The following TRAPPC9 variants were observed in gnomAD, a reference collection of about 807,000 sequenced individuals.
The protein encoded by TRAPPC9 is trafficking protein particle complex subunit 9.
A neutral mutation model predicts 124.0 loss-of-function variants in TRAPPC9; 83 were observed. The ratio of observed to expected loss-of-function variants is 0.67; its 90% CI spans 0.56 to 0.80. The LOEUF (loss-of-function observed/expected upper bound fraction) is 0.80. TRAPPC9 is among the 30% of genes least tolerant of loss of function. The pLI, the probability that TRAPPC9 is intolerant of heterozygous loss-of-function variation, is 0.00. For missense variants in TRAPPC9, 1,302 were observed against 1,508.3 expected (o/e 0.86, Z 2.27); for synonymous variants, 638 against 617.5 (o/e 1.03, Z -0.49).
chr8:140,094,926 T>A (rs1438513123), intron 17 of TRAPPC9: 2 of 152,264 alleles, frequency 1.3e-5, no homozygotes, highest in African/African-American at 4.8e-5. Flanking sequence ...TTTCCTCACC[T>A]GCAGTGGGTA....
intron 18 of TRAPPC9, among the ~76,000 whole-genome samples, chr8:140,002,908 T>C (rs1268138645): frequency 7.5e-6 from 1 of 133,962 alleles, no homozygotes; most frequent in African/African-American, 2.7e-5. Flanking sequence ...CAAAAGTTAC[T>C]CAAAACACAC....
chr8:139,738,369 G>A (rs913895048), intron 21 of TRAPPC9, among the ~76,000 whole-genome samples: 4 of 152,184 alleles, frequency 2.6e-5, no homozygotes, highest in African/African-American at 4.8e-5. Flanking sequence ...TCCCAGTCCC[G>A]GGAGCCTGTA....
intron 20 of TRAPPC9, 130 bp downstream of exon 20, chr8:139,910,017 T>A (rs1417084850): frequency 9.3e-7 from 1 of 1,075,984 alleles, no homozygotes; most frequent in Non-Finnish European, 1.4e-6. Flanking sequence ...GGTCCACATC[T>A]CCTTGCCACA....
At chr8:140,212,631 AAG>A (rs1483654602) in intron 17 of TRAPPC9, among the ~76,000 whole-genome samples, 7 of 152,180 alleles carry the variant, frequency 4.6e-5, no homozygotes, top group Non-Finnish European at 7.4e-5. Context: ...AGAATGACTT[AAG>A]AAGTATTCCT....
At chr8:140,406,223 A>G (rs2069483742) in intron 5 of TRAPPC9, among the ~76,000 whole-genome samples, 1 of 152,200 alleles carries the variant, frequency 6.6e-6, no homozygotes, top group East Asian at 1.9e-4. Context: ...CCAAACCCAC[A>G]TGGACAAGCA....
intron 21 of TRAPPC9, among the ~76,000 whole-genome samples, chr8:139,877,063 C>T (rs1032632212): frequency 6.6e-6 from 1 of 152,232 alleles, no homozygotes; most frequent in Non-Finnish European, 1.5e-5. Flanking sequence ...GTGGGATTTG[C>T]TTGGTGATTA....
intron 19 of TRAPPC9, among the ~76,000 whole-genome samples, chr8:139,969,801 C>T (rs1260743591): frequency 6.6e-6 from 1 of 152,222 alleles, no homozygotes; most frequent in Non-Finnish European, 1.5e-5. Context: ...GGGGAGTTTC[C>T]AGTGGCTAAT....
At chr8:140,105,232 G>T (rs761355059) in intron 17 of TRAPPC9, among the ~76,000 whole-genome samples, 1 of 152,224 alleles carries the variant, frequency 6.6e-6, no homozygotes, top group Non-Finnish European at 1.5e-5. Context: ...AATGGCGACT[G>T]TGCTCAAATA....
At chr8:140,442,894 G>C (rs1051628724) in intron 2 of TRAPPC9, among the ~76,000 whole-genome samples, 19 of 151,960 alleles carry the variant, frequency 1.3e-4, no homozygotes, top group Admixed American at 8.5e-4. Flanking sequence ...CAGCACTATG[G>C]GAGGCCGAGG....
rs545657053 is a variant in TRAPPC9 at position 139,728,307 on chromosome 8, G to C, written c.*2754C>G. Among the ~76,000 whole-genome samples the C allele has an allele frequency of 6.6e-6, 1 of 152,328 alleles. No individual in the cohort carries two copies. Among genetic ancestry groups the C allele is most frequent in the South Asian group, 2.1e-4 (1 of 4,832 alleles). ...GGCCCTGAGGGACCAAGGATCAGAA[G>C]GGCAGAACCAACTCGCTCAGCTAGT... On this transcript the variant is annotated 3_prime_UTR_variant, in exon 23 of 23. Coordinates refer to ENST00000438773, the MANE Select transcript of TRAPPC9 (RefSeq NM_001160372.4).
intron 9 of TRAPPC9, among the ~76,000 whole-genome samples, chr8:140,345,777 C>A (rs1394294623): frequency 1.3e-5 from 2 of 152,194 alleles, no homozygotes; most frequent in East Asian, 3.9e-4. Flanking sequence ...CAGGAGTCAG[C>A]TACCAAAAGA....
chr8:140,059,762 T>C (rs971652641), intron 17 of TRAPPC9, among the ~76,000 whole-genome samples: 7 of 152,234 alleles, frequency 4.6e-5, no homozygotes, highest in African/African-American at 1.7e-4. Context: ...CTTCTAATTG[T>C]GTTGTTTTCA....
chr8:139,970,396 T>G (rs1835984129), intron 19 of TRAPPC9, among the ~76,000 whole-genome samples: 1 of 152,094 alleles, frequency 6.6e-6, no homozygotes, highest in African/African-American at 2.4e-5. Context: ...GAGAGGCATT[T>G]GAGGACTCAA....
At chr8:139,827,797 T>TC (rs1825738103) in intron 21 of TRAPPC9, among the ~76,000 whole-genome samples, 1 of 152,188 alleles carries the variant, frequency 6.6e-6, no homozygotes, top group African/African-American at 2.4e-5. Flanking sequence ...CGGCTCACAG[T>TC]GCTGCAGGCT....
chr8:140,195,136 T>C lies in TRAPPC9; in HGVS notation c.2556+26323A>G, dbSNP rs75453872. ...AACTAAAACACACTCAACGATCCAC[T>C]GTACAGATCACACCTGTGACACTAA... On this transcript the variant is annotated intron_variant, in intron 17 of 22. Coordinates refer to ENST00000438773, the MANE Select transcript of TRAPPC9 (RefSeq NM_001160372.4). Among the ~76,000 whole-genome samples, 5 of 151,348 alleles carry C rather than the reference T, an allele frequency of 3.3e-5. 1 individual carries two copies. The highest frequency in any genetic ancestry group is 1.2e-4 in the African/African-American group (5 of 41,158).
intron 19 of TRAPPC9, among the ~76,000 whole-genome samples, chr8:139,950,899 G>A (rs140489089): frequency 6.6e-6 from 1 of 152,198 alleles, no homozygotes; most frequent in African/African-American, 2.4e-5. Context: ...GGCAAGAGGA[G>A]GCGCGGCAGG....
chr8:140,310,134 C>T (rs1314588470), intron 10 of TRAPPC9, among the ~76,000 whole-genome samples: 1 of 152,240 alleles, frequency 6.6e-6, no homozygotes, highest in African/African-American at 2.4e-5. Flanking sequence ...TTCTTAAGCA[C>T]CATACACATG....
intron 21 of TRAPPC9, among the ~76,000 whole-genome samples, chr8:139,805,557 G>A (rs527780192): frequency 1.6e-4 from 24 of 152,308 alleles, no homozygotes; most frequent in Admixed American, 9.1e-4. Flanking sequence ...TGCTTGGTGC[G>A]TTCCTCTGGG....
chr8:140,195,233 A>T (rs1432668676), intron 17 of TRAPPC9, among the ~76,000 whole-genome samples: 5 of 151,232 alleles, frequency 3.3e-5, no homozygotes, highest in African/African-American at 1.2e-4. Context: ...CACCGTACAG[A>T]TAACACCTGT....
Sources: gnomAD v4.1 joint callset for allele counts (sites outside exome capture counted in the v4.1 genomes callset) on GRCh38, gnomAD v4.1.1 for gene constraint, MANE v1.5 for transcripts, NCBI Gene and HGNC (gene_info 2026-07-23, HGNC 2026-07-21) for gene names.